MTHFD1L: variants seen among roughly 807,000 people sequenced by gnomAD.
The protein encoded by MTHFD1L is methylenetetrahydrofolate dehydrogenase (NADP+ dependent) 1 like, also known as monofunctional C1-tetrahydrofolate synthase, mitochondrial.
Under a neutral mutation model 119.5 loss-of-function variants are expected in MTHFD1L, and 81 were observed. The observed-to-expected ratio is 0.68, with a 90% confidence interval of 0.57 to 0.82. The LOEUF is 0.82. Ranked by LOEUF, MTHFD1L falls within the 40% of genes least tolerant of loss-of-function variation. The pLI is 0.00. For synonymous variants in MTHFD1L, 430 were observed against 475.2 expected (o/e 0.90, Z 1.24); for missense variants, 1,125 against 1,253.4 (o/e 0.90, Z 1.55).
intron 26 of MTHFD1L, among the ~76,000 whole-genome samples, chr6:151,067,422 C>G (rs1791442155): frequency 6.6e-6 from 1 of 151,362 alleles, no homozygotes; most frequent in African/African-American, 2.4e-5. Context: ...CTCCTACGTC[C>G]AAGCAATTAT....
At chr6:151,095,511 A>T (rs1584463063) in intron 27 of MTHFD1L, among the ~76,000 whole-genome samples, 1 of 152,210 alleles carries the variant, frequency 6.6e-6, no homozygotes, top group East Asian at 1.9e-4. Flanking sequence ...TACCTTAATC[A>T]CTGTAGTTAG....
chr6:150,868,334 T>G (rs1420223131), intron 1 of MTHFD1L, among the ~76,000 whole-genome samples: 1 of 140,426 alleles, frequency 7.1e-6, no homozygotes, highest in Non-Finnish European at 1.5e-5. Context: ...AAATGGTGGC[T>G]ATTAATTTTT....
intron 26 of MTHFD1L, among the ~76,000 whole-genome samples, chr6:151,086,014 G>A (rs1376646597): frequency 3.9e-5 from 6 of 152,092 alleles, no homozygotes; most frequent in Admixed American, 2.0e-4. Flanking sequence ...GAACTTCACC[G>A]TTTCGGTCCT....
rs1786701909 is a variant in MTHFD1L at position 151,039,427 on chromosome 6, C to G, written c.2847+2310C>G. On this transcript the variant is annotated intron_variant, in intron 26 of 27. Coordinates refer to ENST00000367321, the MANE Select transcript of MTHFD1L (RefSeq NM_015440.5). This position sits in a 1 kb window ranked among gnomAD's most constrained non-coding sequence, Gnocchi z 4.4. Reference sequence around the variant, plus strand: ...TAGTGATTCCATGGCTATATACATTCTTCCAGACTCATAGACCTATTCACG... The same window carrying G: ...TAGTGATTCCATGGCTATATACATTGTTCCAGACTCATAGACCTATTCACG... Among the ~76,000 whole-genome samples, 1 of 152,122 alleles carries G rather than the reference C, an allele frequency of 6.6e-6. No individual in the cohort carries two copies. Among genetic ancestry groups the G allele is most frequent in the South Asian group, 2.1e-4 (1 of 4,820 alleles).
intron 20 of MTHFD1L, among the ~76,000 whole-genome samples, chr6:151,000,348 A>AAG (rs1780442810): frequency 6.6e-6 from 1 of 151,938 alleles, no homozygotes; most frequent in Non-Finnish European, 1.5e-5. Context: ...AAAAAAAAAA[A>AAG]AAAAGAAAAA....
chr6:150,866,136 CG>C, intron 1 of MTHFD1L, 87 bp downstream of exon 1: 2 of 1,415,512 alleles, frequency 1.4e-6, no homozygotes, highest in Non-Finnish European at 1.8e-6. Context: ...CCGTGGGGAG[CG>C]GGGCGCGGGG....
chr6:151,099,130 C>T (rs1376398974), intron 27 of MTHFD1L, among the ~76,000 whole-genome samples: 3 of 149,890 alleles, frequency 2.0e-5, no homozygotes, highest in African/African-American at 4.9e-5. Context: ...GAGCTGATAT[C>T]GCATCGCTGC....
chr6:150,893,661 C>T (rs757283555), intron 7 of MTHFD1L, among the ~76,000 whole-genome samples: 2 of 152,140 alleles, frequency 1.3e-5, no homozygotes, highest in Non-Finnish European at 2.9e-5. Context: ...ATCGGTGTGA[C>T]TGTGTAACAC....
chr6:150,918,221 A>C (rs577608800), intron 8 of MTHFD1L, among the ~76,000 whole-genome samples: 1 of 152,024 alleles, frequency 6.6e-6, no homozygotes, highest in African/African-American at 2.4e-5. Context: ...ACACGCCACC[A>C]TGTCCAGCTG....
At chr6:151,043,615 A>G (rs1332908327) in intron 26 of MTHFD1L, among the ~76,000 whole-genome samples, 1 of 152,182 alleles carries the variant, frequency 6.6e-6, no homozygotes, top group East Asian at 1.9e-4. Flanking sequence ...AGTAGAATCC[A>G]TTGGAAGTTA....
Position 150,920,939 on chromosome 6 carries a change from A to ATTTTT in MTHFD1L, c.985-1241_985-1237dup, listed in dbSNP as rs869169480. ...AGGCACATGCCACCACACCCAGATA[A>ATTTTT]TTTTTTTTTTTTTTTTTTTTTTTTT... On this transcript the variant is annotated intron_variant, in intron 9 of 27. Transcript: ENST00000367321. Among the ~76,000 whole-genome samples the ATTTTT allele has an allele frequency of 1.7e-4, 16 of 96,874 alleles. 8 individuals carry two copies. The highest frequency in any genetic ancestry group is 1.6e-4 in the African/African-American group (4 of 24,678). The allele number at this position is 96,874 out of a possible 152,430, so 63.6% of individuals were successfully genotyped here. A position where few individuals can be genotyped will look rare whatever the true frequency, so the allele number is the denominator to read the frequency against.
At chr6:151,094,395 C>T (rs976383407) in intron 27 of MTHFD1L, among the ~76,000 whole-genome samples, 2 of 152,156 alleles carry the variant, frequency 1.3e-5, no homozygotes, top group Non-Finnish European at 2.9e-5. Context: ...CAGAGTCTCG[C>T]GCTATCACCT....
chr6:151,079,876 T>TA (rs1182603214), intron 26 of MTHFD1L, among the ~76,000 whole-genome samples: 2 of 147,478 alleles, frequency 1.4e-5, no homozygotes, highest in Non-Finnish European at 3.0e-5. Context: ...AAAATTAAAT[T>TA]AAAAAAAAAG....
intron 7 of MTHFD1L, among the ~76,000 whole-genome samples, chr6:150,904,622 A>G (rs184155469): frequency 3.3e-5 from 5 of 152,196 alleles, no homozygotes; most frequent in African/African-American, 9.6e-5. Flanking sequence ...CTCCCTCTGC[A>G]TAGGGATCCA....
Position 150,951,692 on chromosome 6 carries a change from A to G in MTHFD1L, c.1726+2559A>G, listed in dbSNP as rs149482831. ...TTAAATAATGGACATGAATACTTTA[A>G]GCATTTTATTGAGAAGCCTACATAT... On this transcript the variant is annotated intron_variant, in intron 16 of 27. Coordinates refer to ENST00000367321, the MANE Select transcript of MTHFD1L (RefSeq NM_015440.5). Among the ~76,000 whole-genome samples, 915 of 152,326 alleles carry G rather than the reference A, an allele frequency of 6.0e-3. 12 individuals are homozygous for G. Among genetic ancestry groups the G allele is most frequent in the African/African-American group, 0.021 (890 of 41,566 alleles).
rs1002700499 is a variant in MTHFD1L, at chr6:150,944,435, G to A, written c.1441-51G>A. On this transcript the variant is annotated intron_variant, in intron 13 of 27. Transcript: ENST00000367321. ...TGCACTCCAGCCTGGGCAACAAAGC[G>A]AGACCCTATTTCTGAAAATAAATAA... The A allele has an allele frequency of 7.3e-5, 101 of 1,386,618 alleles. No individual in the cohort carries two copies. The Middle Eastern group carries it at 9.0e-4, about 12-fold the overall frequency. 85.9% of individuals were successfully genotyped at this position (1,386,618 alleles called of 1,614,324 possible). A position where few individuals can be genotyped will look rare whatever the true frequency, so the allele number is the denominator to read the frequency against.
intron 20 of MTHFD1L, among the ~76,000 whole-genome samples, chr6:151,000,406 T>C (rs898131560): frequency 6.6e-6 from 1 of 152,074 alleles, no homozygotes; most frequent in African/African-American, 2.4e-5. Context: ...TCCTGATATG[T>C]GTCTAGTTAG....
At chr6:150,949,860 T>C (rs1327293868) in intron 16 of MTHFD1L, among the ~76,000 whole-genome samples, 1 of 152,182 alleles carries the variant, frequency 6.6e-6, no homozygotes, top group African/African-American at 2.4e-5. Flanking sequence ...GTCGCATGCA[T>C]GTTCTTGGCG....
At chr6:151,029,631 T>TA (rs2128520749) in intron 24 of MTHFD1L, among the ~76,000 whole-genome samples, 1 of 152,036 alleles carries the variant, frequency 6.6e-6, no homozygotes, top group South Asian at 2.1e-4. Flanking sequence ...ACCCTGTCTC[T>TA]ACTAAAAATA....
Sources: gnomAD v4.1 joint callset for allele counts (sites outside exome capture counted in the v4.1 genomes callset) on GRCh38, gnomAD v4.1.1 for gene constraint, Gnocchi (gnomAD v3.1) non-coding constraint, MANE v1.5 for transcripts, NCBI Gene and HGNC (gene_info 2026-07-23, HGNC 2026-07-21) for gene names.